The following SRGAP1 variants were observed in gnomAD, a reference collection of about 807,000 sequenced individuals.
The protein encoded by SRGAP1 is SLIT-ROBO Rho GTPase-activating protein 1.
In SRGAP1, 43 loss-of-function variants were observed where a neutral mutation model predicts 121.9. That is an observed-to-expected ratio of 0.35 (90% CI 0.28 to 0.46). The LOEUF (loss-of-function observed/expected upper bound fraction) is 0.46. Ranked by LOEUF, SRGAP1 falls within the 20% of genes least tolerant of loss-of-function variation. SRGAP1 has a pLI of 1.00. For missense variants in SRGAP1, 1,102 were observed against 1,350.9 expected, an observed-to-expected ratio of 0.82 and a Z score of 2.89; for synonymous variants, 447 against 485.4, an observed-to-expected ratio of 0.92 and a Z score of 1.04.
intron 1 of SRGAP1, among the ~76,000 whole-genome samples, chr12:63,847,469 C>T (rs116868554): frequency 0.035 from 5,355 of 152,166 alleles, 143 homozygotes; most frequent in Middle Eastern, 0.082. Flanking sequence ...AGACATAAGT[C>T]TAGGCCAGGC....
chr12:64,070,606 C>A (rs2035620846), intron 8 of SRGAP1, among the ~76,000 whole-genome samples: 1 of 152,168 alleles, frequency 6.6e-6, no homozygotes, highest in African/African-American at 2.4e-5. Flanking sequence ...GAACAGATAG[C>A]TCCACGTAAA....
intron 1 of SRGAP1, among the ~76,000 whole-genome samples, chr12:63,961,888 A>G (rs1037363133): frequency 2.6e-5 from 4 of 152,134 alleles, no homozygotes; most frequent in Non-Finnish European, 5.9e-5. Context: ...GCTGGTGGAT[A>G]TATTTTAGAT....
chr12:64,032,554 AC>A, intron 4 of SRGAP1: 1 of 1,068,664 alleles, frequency 9.4e-7, no homozygotes, highest in South Asian at 1.3e-5. Flanking sequence ...CAGTGCCTTG[AC>A]CAGAGCCACG....
rs558248193 is a variant in SRGAP1, at chr12:64,044,674, C to CTTTTT, written c.801+1120_801+1124dup. Among the ~76,000 whole-genome samples the CTTTTT allele has an allele frequency of 5.1e-4, 37 of 72,124 alleles. 3 individuals carry two copies. The highest frequency in any genetic ancestry group is 1.3e-3 in the African/African-American group (28 of 21,756). 47.3% of individuals were successfully genotyped at this position (72,124 alleles called of 152,430 possible). ...AGCTTATTAACACTCTGATGTGCCTCTTTTTTTTTTTTTTTTTTTTTTTTT... is the reference window on the plus strand; with the variant it reads ...AGCTTATTAACACTCTGATGTGCCTCTTTTTTTTTTTTTTTTTTTTTTTTTTTTTT... On this transcript the variant is annotated intron_variant, in intron 6 of 21. Coordinates refer to ENST00000355086, the MANE Select transcript of SRGAP1 (RefSeq NM_020762.4).
intron 10 of SRGAP1, 161 bp downstream of exon 10, chr12:64,080,531 G>A: frequency 1.4e-6 from 1 of 724,574 alleles, no homozygotes; most frequent in East Asian, 2.7e-5. Flanking sequence ...AAGTTCTCCT[G>A]GCACGATTTT....
chr12:64,112,211 A>T (rs1431909456), intron 17 of SRGAP1, among the ~76,000 whole-genome samples: 6 of 152,112 alleles, frequency 3.9e-5, no homozygotes, highest in Non-Finnish European at 8.8e-5. Flanking sequence ...AATCTACCCT[A>T]TCGTGGTTTT....
Position 64,152,801 on chromosome 12 carries a change from T to C in SRGAP1, c.*10129T>C, listed in dbSNP as rs1411987595. 2 of 152,006 alleles carry C rather than the reference T, an allele frequency of 1.3e-5. No homozygotes were observed. Among genetic ancestry groups the C allele is most frequent in the East Asian group, 3.9e-4 (2 of 5,138 alleles). The allele number at this position is 152,006 out of a possible 1,614,324, so 9.4% of individuals were successfully genotyped here. A position where few individuals can be genotyped will look rare whatever the true frequency, so the allele number is the denominator to read the frequency against. ...CCCCAAACCTCCCAGCTGGCATTAA[T>C]TGTTCTGTTACATTTTGTTTTCATT... On this transcript the variant is annotated 3_prime_UTR_variant, in exon 22 of 22. Coordinates refer to ENST00000355086, the MANE Select transcript of SRGAP1 (RefSeq NM_020762.4).
intron 21 of SRGAP1, among the ~76,000 whole-genome samples, chr12:64,135,224 G>C (rs1006352192): frequency 7.9e-5 from 12 of 152,164 alleles, no homozygotes; most frequent in Non-Finnish European, 1.5e-4. Flanking sequence ...ATTCCAAGTT[G>C]CAGGGTCCCA....
chr12:64,080,885 A>G (rs1477743709), intron 10 of SRGAP1: 1 of 185,832 alleles, frequency 5.4e-6, no homozygotes, highest in Non-Finnish European at 1.1e-5. Flanking sequence ...CTTAAAGTAT[A>G]AGTAGATTGC....
chr12:63,917,474 A>C (rs79924387), intron 1 of SRGAP1, among the ~76,000 whole-genome samples: 1,958 of 152,224 alleles, frequency 0.013, 41 homozygotes, highest in African/African-American at 0.043. Context: ...TGTTGGGAGC[A>C]ATGTGAGTCA....
chr12:63,859,857 A>G (rs1175087787), intron 1 of SRGAP1, among the ~76,000 whole-genome samples: 1 of 152,136 alleles, frequency 6.6e-6, no homozygotes, highest in African/African-American at 2.4e-5. Context: ...TTTCTTCCCT[A>G]ATAAATATTC....
At chr12:64,126,653 G>A (rs1408779824) in intron 19 of SRGAP1, among the ~76,000 whole-genome samples, 2 of 152,242 alleles carry the variant, frequency 1.3e-5, no homozygotes, top group East Asian at 3.9e-4. Flanking sequence ...AAAGAAACAG[G>A]TTGCAAAATA....
chr12:64,001,269 T>A (rs2033888839), intron 3 of SRGAP1, among the ~76,000 whole-genome samples: 2 of 152,244 alleles, frequency 1.3e-5, no homozygotes. Context: ...AAGTTGTTAT[T>A]CATTTTAAAA....
At position 64,126,273 on chromosome 12, in the gene SRGAP1, TTC is replaced by T. The variant is rs2036686158; in HGVS notation, c.2405+117_2405+118del. 1.8e-5 allele frequency: 22 copies of T among 1,192,390 alleles called. No homozygotes were observed. In the South Asian group the frequency reaches 3.8e-4, roughly 21 times the overall value. The allele number at this position is 1,192,390 out of a possible 1,614,324, so 73.9% of individuals were successfully genotyped here. ...GCAGAAGGGATTACAGAGATAAAAC[TTC>T]AGAGCTAGGCACAGTTCCTTACCTT... is the stretch of plus-strand genomic sequence containing the variant. On this transcript the variant is annotated intron_variant, in intron 19 of 21. Transcript: ENST00000355086.
chr12:63,894,718 G>A (rs944603839), intron 1 of SRGAP1, among the ~76,000 whole-genome samples: 6 of 152,020 alleles, frequency 3.9e-5, no homozygotes, highest in South Asian at 2.1e-4. Flanking sequence ...GAGAACATAC[G>A]GTGTTTGGTT....
intron 11 of SRGAP1, among the ~76,000 whole-genome samples, chr12:64,090,548 T>C (rs528744028): frequency 6.6e-6 from 1 of 152,352 alleles, no homozygotes; most frequent in East Asian, 1.9e-4. Context: ...TTACTTGCAT[T>C]GGTTTGCTGG....
chr12:63,888,713 C>T (rs1044541049), intron 1 of SRGAP1: 1 of 152,206 alleles, frequency 6.6e-6, no homozygotes, highest in Non-Finnish European at 1.5e-5. Flanking sequence ...CCAGCTATCC[C>T]AGCACATAGT....
At chr12:64,055,639 C>G (rs1376470853) in intron 6 of SRGAP1, among the ~76,000 whole-genome samples, 1 of 152,036 alleles carries the variant, frequency 6.6e-6, no homozygotes. Flanking sequence ...CAGCATGGTA[C>G]TGGTACCAAA....
chr12:64,101,605 ATTTTG>A (rs544554930), intron 15 of SRGAP1, among the ~76,000 whole-genome samples: 1 of 152,006 alleles, frequency 6.6e-6, no homozygotes, highest in African/African-American at 2.4e-5. Flanking sequence ...CCCAAGAGTT[ATTTTG>A]TTTTGTTTTG....
Sources: gnomAD v4.1 joint callset for allele counts (sites outside exome capture counted in the v4.1 genomes callset) on GRCh38, gnomAD v4.1.1 for gene constraint, MANE v1.5 for transcripts, NCBI Gene and HGNC (gene_info 2026-07-23, HGNC 2026-07-21) for gene names.